The following ZNF57 variants were observed in gnomAD, a reference collection of about 807,000 sequenced individuals.
ZNF57 encodes the protein zinc finger protein 424.
ZNF57 carries 11 observed loss-of-function variants against 13.4 expected under a neutral mutation model. That is an observed-to-expected ratio of 0.82 (90% CI 0.52 to 1.36). The LOEUF (loss-of-function observed/expected upper bound fraction) is 1.36. Among genes scored for constraint, ZNF57 ranks in the 40% most tolerant of loss-of-function variants. The pLI, the probability that ZNF57 is intolerant of heterozygous loss-of-function variation, is 0.00. For synonymous variants in ZNF57, 224 were observed against 238.5 expected, an observed-to-expected ratio of 0.94 and a Z score of 0.56; for missense variants, 696 against 667.5, an observed-to-expected ratio of 1.04 and a Z score of -0.47.
intron 1 of ZNF57, among the ~76,000 whole-genome samples, chr19:2,902,328 T>C (rs1490596181): frequency 1.3e-5 from 2 of 152,150 alleles, no homozygotes; most frequent in Non-Finnish European, 2.9e-5. Flanking sequence ...TGTACTGTTC[T>C]CCTGTTTGGC....
At position 2,917,326 on chromosome 19, in the gene ZNF57, G is replaced by A; in HGVS notation, c.705G>A (p.Gly235=). 6.2e-7 allele frequency: 1 copy of A among 1,614,106 alleles called. No homozygotes were observed. The highest frequency in any genetic ancestry group is 8.5e-7 in the Non-Finnish European group (1 of 1,179,978). The change falls in exon 4 of 4, where the codon GGG becomes GGA. Residue 235 remains glycine, a synonymous_variant. Transcript: ENST00000306908. ...KCEQCRMAFN[G]FASFTRHVRT... ...AGCAGTGTCGGATGGCGTTTAATGG[G>A]TTCGCAAGCTTCACTAGACATGTGA...
chr19:2,907,337 C>G (rs2088085035), intron 1 of ZNF57, among the ~76,000 whole-genome samples: 1 of 152,098 alleles, frequency 6.6e-6, no homozygotes, highest in Non-Finnish European at 1.5e-5. Context: ...CAGCAGCTCG[C>G]CCCACCTGGA....
chr19:2,903,801 G>A (rs7252731), intron 1 of ZNF57, among the ~76,000 whole-genome samples: 126,259 of 151,452 alleles, frequency 0.83, 53,285 homozygotes, highest in Middle Eastern at 0.92. Flanking sequence ...TGCAGGCTCC[G>A]CCCTCCGGGG....
Position 2,917,145 on chromosome 19 carries a change from A to G in ZNF57, c.524A>G (p.Gln175Arg). 4.3e-6 allele frequency: 7 copies of G among 1,614,148 alleles called. No homozygotes were observed. The highest frequency in any genetic ancestry group is 1.6e-4 in the Middle Eastern group (1 of 6,062). ...RKAPPGEECK[Q>R]ACICPSHLHS... The stretch of plus-strand genomic sequence containing the variant: ...GCACCTCCAGGTGAGGAATGTAAGC[A>G]GGCCTGCATTTGTCCCTCACACCTA... Residue 175 changes from glutamine (Q) to arginine (R), a missense_variant, in exon 4 of 4, where the codon CAG becomes CGG. Physicochemically the swap from Gln to Arg is conservative, Grantham distance 43 (BLOSUM62 1). Coordinates refer to ENST00000306908, the MANE Select transcript of ZNF57 (RefSeq NM_173480.3).
intron 1 of ZNF57, among the ~76,000 whole-genome samples, chr19:2,908,627 C>T (rs552791893): frequency 3.9e-5 from 6 of 151,972 alleles, no homozygotes; most frequent in East Asian, 1.9e-4. Context: ...ATGATCTCGA[C>T]CTCCTGACCT....
Position 2,917,283 on chromosome 19 carries a change from A to T in ZNF57, c.662A>T (p.Glu221Val). Residue 221 changes from glutamate to valine, a missense_variant, in exon 4 of 4, where the codon GAG becomes GTG. Glu to Val is a moderately radical substitution (Grantham distance 121). This residue lies in a region of ZNF57 where 645 missense variants were observed against 591.5 expected (regional missense o/e 1.09). Coordinates refer to ENST00000306908, the MANE Select transcript of ZNF57 (RefSeq NM_173480.3). ...CACCACGTAAAGACTCACACAGCAG[A>T]GAAAACCTACAAATGCGAGCAGTGT... ...LSHHVKTHTA[E>V]KTYKCEQCRM... is the part of the protein sequence containing the mutation. 1 of 1,614,134 alleles carries T rather than the reference A, an allele frequency of 6.2e-7. No homozygotes were observed. Among genetic ancestry groups the T allele is most frequent in the Non-Finnish European group, 8.5e-7 (1 of 1,179,968 alleles).
intron 3 of ZNF57, 99 bp downstream of exon 3, chr19:2,916,348 C>T: frequency 8.5e-7 from 1 of 1,171,976 alleles, no homozygotes; most frequent in Non-Finnish European, 1.1e-6. Flanking sequence ...GTTTATTCCT[C>T]AGAATTTTAA....
chr19:2,917,513 C>G lies in ZNF57; in HGVS notation c.892C>G (p.His298Asp). Residue 298 changes from histidine to aspartate, a missense_variant, in exon 4 of 4, where the codon CAT becomes GAT. Around this residue, in one of 3 missense-constraint regions of ZNF57, gnomAD observed 645 missense variants for 591.5 expected, o/e 1.09. Transcript: ENST00000306908. ...AFTYPQAFQR[H>D]EKTHTGEKPY... ...CACTTACCCCCAGGCTTTTCAAAGACATGAGAAGACGCACACGGGAGAGAA... is the reference window on the plus strand; with the variant it reads ...CACTTACCCCCAGGCTTTTCAAAGAGATGAGAAGACGCACACGGGAGAGAA... The G allele has an allele frequency of 1.2e-6, 2 of 1,613,744 alleles. No homozygotes were observed. Among genetic ancestry groups the G allele is most frequent in the Non-Finnish European group, 1.7e-6 (2 of 1,179,806 alleles).
chr19:2,909,285 T>G (rs867164126), intron 1 of ZNF57, among the ~76,000 whole-genome samples: 2 of 129,684 alleles, frequency 1.5e-5, no homozygotes, highest in Admixed American at 8.0e-5. Context: ...ATTTTTGTTT[T>G]TTTTTTTTTT....
At chr19:2,911,697 A>G (rs544636431) in intron 1 of ZNF57, among the ~76,000 whole-genome samples, 1 of 151,552 alleles carries the variant, frequency 6.6e-6, no homozygotes, top group African/African-American at 2.4e-5. Flanking sequence ...AGAAGTTTTC[A>G]TTACATGTCT....
intron 1 of ZNF57, among the ~76,000 whole-genome samples, chr19:2,910,457 CTTTT>C (rs1212426647): frequency 2.3e-4 from 2 of 8,654 alleles, no homozygotes; most frequent in East Asian, 4.0e-3. Context: ...CTTTTCTTTT[CTTTT>C]TTTTTTTTTT....
At chr19:2,909,312 G>T (rs1306474426) in intron 1 of ZNF57, among the ~76,000 whole-genome samples, 2 of 74,654 alleles carry the variant, frequency 2.7e-5, no homozygotes, top group Non-Finnish European at 5.1e-5. Context: ...ACAGAGTCTC[G>T]CTCTGTCGCC....
chr19:2,905,407 G>GCCCCCCAC (rs2088064580), intron 1 of ZNF57, among the ~76,000 whole-genome samples: 12 of 34,838 alleles, frequency 3.4e-4, no homozygotes, highest in African/African-American at 1.5e-3. Context: ...TCAGGTGATC[G>GCCCCCCAC]CCCCCCCCCC....
Position 2,905,414 on chromosome 19 carries a change from C to CCG in ZNF57, c.3+4367_3+4368insGC, listed in dbSNP as rs903374155. ...TCTTGACTTCAGGTGATCGCCCCCC[C>CCG]CCCCTCGGCATTCCAAAGTATTTGC... is the stretch of plus-strand genomic sequence containing the variant. On this transcript the variant is annotated intron_variant, in intron 1 of 3. Transcript: ENST00000306908. Among the ~76,000 whole-genome samples, 10 of 73,462 alleles carry CCG rather than the reference C, an allele frequency of 1.4e-4. 5 individuals are homozygous for CCG. The highest frequency in any genetic ancestry group is 3.7e-4 in the African/African-American group (8 of 21,604). 48.2% of individuals were successfully genotyped at this position (73,462 alleles called of 152,430 possible).
At chr19:2,913,616 G>A (rs4807363) in intron 1 of ZNF57, among the ~76,000 whole-genome samples, 129,989 of 152,028 alleles carry the variant, frequency 0.86, 55,916 homozygotes, top group Middle Eastern at 0.91. Flanking sequence ...ATTAGTTTCA[G>A]ATTTCATTTC....
chr19:2,909,281 G>GGTTT lies in ZNF57; in HGVS notation c.4-6241_4-6240insGTTT, dbSNP rs1555677926. On this transcript the variant is annotated intron_variant, in intron 1 of 3. Transcript: ENST00000306908. ...AATAGATTTTATTTTATTTATTTTT[G>GGTTT]TTTTTTTTTTTTTTTTTGAGACAGA... Among the ~76,000 whole-genome samples, 32 of 107,176 alleles carry GGTTT rather than the reference G, an allele frequency of 3.0e-4. 1 individual carries two copies. In the South Asian group the frequency reaches 8.0e-3, roughly 27 times the overall value. The allele number at this position is 107,176 out of a possible 152,430, so 70.3% of individuals were successfully genotyped here.
At chr19:2,915,675 G>A in intron 2 of ZNF57, 27 bp downstream of exon 2, 1 of 1,613,228 alleles carries the variant, frequency 6.2e-7, no homozygotes, top group South Asian at 1.1e-5. Context: ...TCCTTCCCTT[G>A]GTTTTTAATG....
In ZNF57 at chr19:2,916,906, G is replaced by A. The variant is rs745671280; in HGVS notation, c.303-18G>A. ...TACTAAACATACCATACATAAAAATGTCTCTCATTTTTAACAGAAATCATA... is the reference window on the plus strand; with the variant it reads ...TACTAAACATACCATACATAAAAATATCTCTCATTTTTAACAGAAATCATA... On this transcript the variant is annotated intron_variant, in intron 3 of 3. Coordinates refer to ENST00000306908, the MANE Select transcript of ZNF57 (RefSeq NM_173480.3). 1 of 1,545,838 alleles carries A rather than the reference G, an allele frequency of 6.5e-7. No individual in the cohort carries two copies. The highest frequency in any genetic ancestry group is 8.7e-7 in the Non-Finnish European group (1 of 1,146,830).
At position 2,906,358 on chromosome 19, in the gene ZNF57, G is replaced by C. The variant is rs1483691528; in HGVS notation, c.3+5310G>C. On this transcript the variant is annotated intron_variant, in intron 1 of 3. Coordinates refer to ENST00000306908, the MANE Select transcript of ZNF57 (RefSeq NM_173480.3). ...CGTGAGCCATGGTGCCCGGCCCTGA[G>C]TGTGAATTTTAAAAGGCTAATGCCC... 3.9e-5 allele frequency among the ~76,000 whole-genome samples: 6 copies of C among 152,368 alleles called. No individual in the cohort carries two copies. The East Asian group carries it at 9.6e-4, about 24-fold the overall frequency.
Sources: gnomAD v4.1 joint callset for allele counts (sites outside exome capture counted in the v4.1 genomes callset) on GRCh38, gnomAD v4.1.1 for gene constraint, gnomAD v4.1.1 regional missense constraint, MANE v1.5 for transcripts, NCBI Gene and HGNC (gene_info 2026-07-23, HGNC 2026-07-21) for gene names.